The following PHF20L1 variants were observed in gnomAD, a reference collection of about 807,000 sequenced individuals.
PHF20L1 encodes PHD finger protein 20-like protein 1.
A neutral mutation model predicts 125.5 loss-of-function variants in PHF20L1; 44 were observed. The ratio of observed to expected loss-of-function variants is 0.35; its 90% CI spans 0.28 to 0.45. The LOEUF is 0.45. Ranked by LOEUF, PHF20L1 falls within the 20% of genes least tolerant of loss-of-function variation. The probability of loss-of-function intolerance (pLI) is 1.00; values close to 1 mark genes in which losing one functional copy is unlikely to be tolerated. For missense variants in PHF20L1, 1,012 were observed against 1,217.2 expected, an observed-to-expected ratio of 0.83 and a Z score of 2.51; for synonymous variants, 380 against 403.1, an observed-to-expected ratio of 0.94 and a Z score of 0.69.
chr8:132,832,928 G>C (rs986147558), intron 15 of PHF20L1, among the ~76,000 whole-genome samples: 2 of 152,064 alleles, frequency 1.3e-5, no homozygotes, highest in African/African-American at 4.8e-5. Flanking sequence ...GGAACTAAGC[G>C]CCCTTAGGTA....
At chr8:132,801,085 T>G (rs1406223413) in intron 6 of PHF20L1, among the ~76,000 whole-genome samples, 1 of 151,690 alleles carries the variant, frequency 6.6e-6, no homozygotes, top group East Asian at 1.9e-4. Context: ...CCTTCTGGTT[T>G]TCTACCCTAA....
intron 2 of PHF20L1, among the ~76,000 whole-genome samples, chr8:132,779,494 G>A (rs992671777): frequency 1.3e-5 from 2 of 152,158 alleles, no homozygotes; most frequent in Non-Finnish European, 2.9e-5. Context: ...TTACTTCTTT[G>A]ATATTACTCT....
chr8:132,775,774 C>T (rs923495061), intron 1 of PHF20L1, 129 bp downstream of exon 1: 2 of 245,702 alleles, frequency 8.1e-6, no homozygotes, highest in Non-Finnish European at 1.5e-5. Flanking sequence ...CTCGCCGGCC[C>T]TATTGTCTGG....
In PHF20L1 at chr8:132,800,015, A is replaced by G. The variant is rs1488509007; in HGVS notation, c.507+843A>G. 4 of 150,412 alleles carry G rather than the reference A, an allele frequency of 2.7e-5. No homozygotes were observed. In the East Asian group the frequency reaches 5.8e-4, roughly 22 times the overall value. The allele number at this position is 150,412 out of a possible 1,614,324, so 9.3% of individuals were successfully genotyped here. ...TTGATTAAAAGGTTGGGAACATTGT[A>G]TATACCTGCTTAAGCAAAAGTCTCA... is the stretch of plus-strand genomic sequence containing the variant. On this transcript the variant is annotated intron_variant, in intron 6 of 20. Coordinates refer to ENST00000395386, the MANE Select transcript of PHF20L1 (RefSeq NM_016018.5).
intron 4 of PHF20L1, 40 bp from the exon 5 acceptor site, chr8:132,798,732 A>T (rs1832700559): frequency 7.6e-7 from 1 of 1,317,552 alleles, no homozygotes; most frequent in Non-Finnish European, 1.1e-6. Context: ...TGTAAACTTG[A>T]ATTATATTTT....
At chr8:132,843,700 T>G in intron 19 of PHF20L1, 2 of 985,088 alleles carry the variant, frequency 2.0e-6, no homozygotes, top group Non-Finnish European at 2.4e-6. Flanking sequence ...TTCATTGATT[T>G]ACTGTACTAT....
chr8:132,810,886 T>G (rs1035653539), intron 8 of PHF20L1, 160 bp from the exon 9 acceptor site: 12 of 576,198 alleles, frequency 2.1e-5, no homozygotes, highest in Non-Finnish European at 3.1e-5. Flanking sequence ...CCTTGGCTTA[T>G]TATTAAGCAT....
chr8:132,799,945 T>C (rs577353838), intron 6 of PHF20L1: 2 of 151,990 alleles, frequency 1.3e-5, no homozygotes, highest in South Asian at 4.2e-4. Context: ...AAATAAAGTG[T>C]TCTTTTAAGC....
intron 4 of PHF20L1, 96 bp downstream of exon 4, chr8:132,794,913 C>A: frequency 2.8e-6 from 2 of 719,756 alleles, no homozygotes; most frequent in Non-Finnish European, 4.7e-6. Context: ...GTAATCATTA[C>A]GTATAACTTT....
intron 9 of PHF20L1, chr8:132,811,389 C>A: frequency 8.7e-7 from 1 of 1,147,312 alleles, no homozygotes; most frequent in Non-Finnish European, 1.1e-6. Flanking sequence ...AGGGTATAAG[C>A]TTCCAGCTGG....
intron 1 of PHF20L1, 60 bp downstream of exon 1, chr8:132,775,705 C>T: frequency 3.1e-6 from 1 of 318,108 alleles, no homozygotes; most frequent in Non-Finnish European, 5.7e-6. Flanking sequence ...CCGCCCGGGA[C>T]GCCCCCATTC....
At chr8:132,790,790 A>T (rs184454578) in intron 2 of PHF20L1, among the ~76,000 whole-genome samples, 1 of 152,232 alleles carries the variant, frequency 6.6e-6, no homozygotes, top group Non-Finnish European at 1.5e-5. Flanking sequence ...TGTGCTGATT[A>T]GGTCTATATT....
rs1245855762 is a variant in PHF20L1, at chr8:132,847,591, A to G, written c.*1668A>G. The G allele has an allele frequency of 6.6e-6, 1 of 152,602 alleles. No homozygotes were observed. The highest frequency in any genetic ancestry group is 1.5e-5 in the Non-Finnish European group (1 of 68,008). 9.5% of individuals were successfully genotyped at this position (152,602 alleles called of 1,614,324 possible). ...TTAAAACTATTCCACATATCCTAAA[A>G]TTTCAGCTTGCCTTTTTGCGGCCTT... On this transcript the variant is annotated 3_prime_UTR_variant, in exon 21 of 21. Coordinates refer to ENST00000395386, the MANE Select transcript of PHF20L1 (RefSeq NM_016018.5).
chr8:132,843,693 A>C (rs984788467), intron 19 of PHF20L1: 2 of 983,860 alleles, frequency 2.0e-6, no homozygotes, highest in Non-Finnish European at 2.4e-6. Flanking sequence ...CCCTCCCTTC[A>C]TTGATTTACT....
chr8:132,834,272 CT>C (rs1306337256), intron 15 of PHF20L1, among the ~76,000 whole-genome samples: 2 of 152,098 alleles, frequency 1.3e-5, no homozygotes, highest in Non-Finnish European at 2.9e-5. Flanking sequence ...AACTGGTAAT[CT>C]TTGCCATGCA....
intron 8 of PHF20L1, 43 bp downstream of exon 8, chr8:132,804,783 G>T: frequency 2.0e-6 from 3 of 1,480,922 alleles, no homozygotes; most frequent in Non-Finnish European, 2.8e-6. Context: ...GAAATGGAAG[G>T]TTTAATTTTA....
Position 132,845,774 on chromosome 8 carries a change from CT to C in PHF20L1, c.2912-3del. The C allele has an allele frequency of 6.3e-7, 1 of 1,594,254 alleles. No homozygotes were observed. Among genetic ancestry groups the C allele is most frequent in the Non-Finnish European group, 8.6e-7 (1 of 1,162,652 alleles). ...TTTAAATTTGTTTATCTTCTTCTCT[CT>C]TTTAGTTCTGGAAAGCTGGCTTGAT... On this transcript the variant is annotated splice_polypyrimidine_tract_variant and splice_region_variant and intron_variant, in intron 20 of 20. Transcript: ENST00000395386.
chr8:132,837,954 A>G (rs960298468), intron 17 of PHF20L1, 143 bp downstream of exon 17: 8 of 621,152 alleles, frequency 1.3e-5, no homozygotes, highest in Admixed American at 2.2e-5. Flanking sequence ...GTGACTCCAA[A>G]TGAAACAGCA....
intron 16 of PHF20L1, among the ~76,000 whole-genome samples, chr8:132,837,375 T>C (rs894223594): frequency 6.6e-5 from 10 of 152,104 alleles, no homozygotes; most frequent in Admixed American, 3.9e-4. Context: ...AACTTTTTTT[T>C]CCCCTAATTT....
Sources: allele counts gnomAD v4.1 joint callset (sites outside exome capture counted in the v4.1 genomes callset), GRCh38; gene constraint gnomAD v4.1.1; transcripts MANE v1.5; gene names NCBI Gene and HGNC (gene_info 2026-07-23, HGNC 2026-07-21).